The following ZNHIT6 variants were observed in gnomAD, a reference collection of about 807,000 sequenced individuals.
The protein encoded by ZNHIT6 is zinc finger HIT-type containing 6.
Under a neutral mutation model 57.2 loss-of-function variants are expected in ZNHIT6, and 45 were observed. The ratio of observed to expected loss-of-function variants is 0.79; its 90% confidence interval spans 0.62 to 1.01. ZNHIT6 has a LOEUF of 1.01. Ranked by LOEUF, ZNHIT6 falls within the 50% of genes least tolerant of loss-of-function variation. The pLI is 0.00. For synonymous variants in ZNHIT6, 188 were observed against 190.0 expected (o/e 0.99, Z 0.09); for missense variants, 528 against 567.3 (o/e 0.93, Z 0.70).
At position 85,701,429 on chromosome 1, in the gene ZNHIT6, A is replaced by G. The variant is rs560314003; in HGVS notation, c.1019+728T>C. On this transcript the variant is annotated intron_variant, in intron 5 of 9. Transcript: ENST00000370574. ...GACTTCTGAAAGGTATTATCTGATA[A>G]TTTAGTTGGCTACTTAAAGAACTTT... Among the ~76,000 whole-genome samples, 17 of 152,324 alleles carry G rather than the reference A, an allele frequency of 1.1e-4. No homozygotes were observed. The South Asian group carries it at 3.3e-3, about 30-fold the overall frequency.
intron 1 of ZNHIT6, among the ~76,000 whole-genome samples, chr1:85,707,295 T>C (rs952837): frequency 0.4 from 60,780 of 152,028 alleles, 13,422 homozygotes; most frequent in South Asian, 0.57. Flanking sequence ...CTCATCTCTA[T>C]TCTCTCTCAA....
rs1427110231 is a variant in ZNHIT6 at position 85,651,589 on chromosome 1, C to T, written c.*2469G>A. ...AAGTTTTATTTACTATAATTTATGA[C>T]TATTAATCCTATATGTATAATTAGC... On this transcript the variant is annotated 3_prime_UTR_variant, in exon 10 of 10. Transcript: ENST00000370574. 1 of 152,118 alleles carries T rather than the reference C, an allele frequency of 6.6e-6. No homozygotes were observed. Among genetic ancestry groups the T allele is most frequent in the Non-Finnish European group, 1.5e-5 (1 of 68,014 alleles). 9.4% of individuals were successfully genotyped at this position (152,118 alleles called of 1,614,324 possible).
chr1:85,698,529 ATTCT>A (rs1432623245), intron 5 of ZNHIT6, among the ~76,000 whole-genome samples: 1 of 152,212 alleles, frequency 6.6e-6, no homozygotes, highest in Non-Finnish European at 1.5e-5. Context: ...AGTACAAAAG[ATTCT>A]TCATTCAGAT....
At chr1:85,667,961 A>AAAAAAAAAAAAAAAAAGTATATATATAT in intron 8 of ZNHIT6, among the ~76,000 whole-genome samples, 1 of 18,200 alleles carries the variant, frequency 5.5e-5, no homozygotes, top group Non-Finnish European at 9.9e-5. Flanking sequence ...AAAAAAAAAA[A>AAAAAAAAAAAAAAAAAGTATATATATAT]ATATATATAT....
intron 4 of ZNHIT6, among the ~76,000 whole-genome samples, chr1:85,702,709 G>C (rs1662571253): frequency 6.6e-6 from 1 of 152,138 alleles, no homozygotes; most frequent in East Asian, 1.9e-4. Context: ...TTACTAGACA[G>C]CTCACTCAAG....
At chr1:85,703,205 T>C (rs528354881) in intron 4 of ZNHIT6, among the ~76,000 whole-genome samples, 1 of 152,270 alleles carries the variant, frequency 6.6e-6, no homozygotes, top group Non-Finnish European at 1.5e-5. Flanking sequence ...CAATCTCTAC[T>C]TTTAGAGCAA....
intron 8 of ZNHIT6, among the ~76,000 whole-genome samples, chr1:85,667,268 T>C (rs1032470634): frequency 6.6e-6 from 1 of 152,146 alleles, no homozygotes. Context: ...ACCTAAATAA[T>C]AGTAAGGCAC....
chr1:85,702,087 G>T, intron 5 of ZNHIT6, 70 bp downstream of exon 5: 1 of 1,078,024 alleles, frequency 9.3e-7, no homozygotes, highest in Middle Eastern at 2.7e-4. Context: ...ATGCTCTATA[G>T]CAACCAAACC....
intron 5 of ZNHIT6, among the ~76,000 whole-genome samples, chr1:85,685,741 T>C (rs1453787124): frequency 6.6e-6 from 1 of 152,080 alleles, no homozygotes; most frequent in East Asian, 1.9e-4. Context: ...TGAATTTTAG[T>C]AGAGACAAGC....
intron 5 of ZNHIT6, among the ~76,000 whole-genome samples, chr1:85,682,910 G>A (rs974919409): frequency 1.3e-5 from 2 of 152,130 alleles, no homozygotes; most frequent in African/African-American, 2.4e-5. Context: ...GAAGTTGAAG[G>A]GTGTTGTATA....
At chr1:85,681,606 T>C (rs1661874419) in intron 5 of ZNHIT6, among the ~76,000 whole-genome samples, 1 of 152,214 alleles carries the variant, frequency 6.6e-6, no homozygotes, top group Non-Finnish European at 1.5e-5. Context: ...TAGAAGAAAT[T>C]TCTAACAATC....
At chr1:85,706,781 G>A (rs1662697139) in intron 1 of ZNHIT6, among the ~76,000 whole-genome samples, 1 of 152,184 alleles carries the variant, frequency 6.6e-6, no homozygotes, top group Non-Finnish European at 1.5e-5. Context: ...CAGGGAATGA[G>A]ATTATTCACT....
In ZNHIT6 at chr1:85,706,507, C is replaced by A. The variant is rs1178330038; in HGVS notation, c.657G>T (p.Arg219Ser). The A allele has an allele frequency of 6.4e-7, 1 of 1,551,004 alleles. No individual in the cohort carries two copies. Among genetic ancestry groups the A allele is most frequent in the Non-Finnish European group, 8.6e-7 (1 of 1,158,582 alleles). ...CTTCTTCTGTACCACAAGTCTCACA[C>A]CTACAAAAGCCCACATGTAACATTA... ...VGCKRKLAMS[R>S]CETCGTEEAK... Residue 219 changes from arginine to serine, a missense_variant and splice_region_variant, in exon 2 of 10, where the codon AGG (arginine) becomes AGT (serine). By Grantham distance (110) the Arg-to-Ser change is moderately radical. Coordinates refer to ENST00000370574, the MANE Select transcript of ZNHIT6 (RefSeq NM_017953.4).
At chr1:85,684,095 CAAT>C (rs1038543549) in intron 5 of ZNHIT6, among the ~76,000 whole-genome samples, 2 of 152,180 alleles carry the variant, frequency 1.3e-5, no homozygotes, top group African/African-American at 4.8e-5. Flanking sequence ...CCTTCAACTA[CAAT>C]AATGTCACTA....
chr1:85,662,971 T>A (rs565518970), intron 8 of ZNHIT6, among the ~76,000 whole-genome samples: 38 of 152,336 alleles, frequency 2.5e-4, no homozygotes, highest in African/African-American at 8.7e-4. Context: ...AGATATTATT[T>A]CTTTGAAATC....
chr1:85,702,151 A>G lies in ZNHIT6; in HGVS notation c.1019+6T>C, dbSNP rs749483788. ...TACCTGATATACTAAAAAGTTAGAA[A>G]CTTACTTCTTATCAAAAAAGGTTGA... On this transcript the variant is annotated splice_donor_region_variant and intron_variant, in intron 5 of 9. Coordinates refer to ENST00000370574, the MANE Select transcript of ZNHIT6 (RefSeq NM_017953.4). 2.5e-6 allele frequency: 4 copies of G among 1,584,500 alleles called. No individual in the cohort carries two copies. Among genetic ancestry groups the G allele is most frequent in the Non-Finnish European group, 3.4e-6 (4 of 1,161,482 alleles).
chr1:85,702,009 A>G, intron 5 of ZNHIT6, 148 bp downstream of exon 5: 1 of 587,910 alleles, frequency 1.7e-6, no homozygotes, highest in East Asian at 3.0e-5. Context: ...TACATGACAT[A>G]CAATTACTAC....
Position 85,680,833 on chromosome 1 carries a change from T to TA in ZNHIT6, c.1088+2dup, listed in dbSNP as rs778401539. 2.2e-5 allele frequency: 36 copies of TA among 1,607,752 alleles called. No individual in the cohort carries two copies. The highest frequency in any genetic ancestry group is 5.0e-5 in the Admixed American group (3 of 59,480). On this transcript the variant is annotated splice_region_variant and intron_variant, in intron 6 of 9. Coordinates refer to ENST00000370574, the MANE Select transcript of ZNHIT6 (RefSeq NM_017953.4). Reference sequence around the variant, plus strand: ...ATCAGTGATTGAAAGATAGCAGTGATACCTTTTTTCTATGTACTCAGCTTG... The same window carrying TA: ...ATCAGTGATTGAAAGATAGCAGTGATAACCTTTTTTCTATGTACTCAGCTTG...
At chr1:85,673,438 C>T (rs1473123735) in intron 8 of ZNHIT6, among the ~76,000 whole-genome samples, 1 of 152,138 alleles carries the variant, frequency 6.6e-6, no homozygotes, top group Non-Finnish European at 1.5e-5. Flanking sequence ...CTGGAAAAAA[C>T]TTAAGCATGC....
Sources: gnomAD v4.1 joint callset for allele counts (sites outside exome capture counted in the v4.1 genomes callset) on GRCh38, gnomAD v4.1.1 for gene constraint, MANE v1.5 for transcripts, NCBI Gene and HGNC (gene_info 2026-07-23, HGNC 2026-07-21) for gene names.